The following RABGAP1 variants were observed in gnomAD, a reference collection of about 807,000 sequenced individuals.
The protein encoded by RABGAP1 is RAB GTPase activating protein 1, also known as rab GTPase-activating protein 1.
Under a neutral mutation model 137.6 loss-of-function variants are expected in RABGAP1, and 23 were observed. That is an observed-to-expected ratio of 0.17 (90% CI 0.12 to 0.24). RABGAP1 has a LOEUF of 0.24. RABGAP1 is among the 10% of genes least tolerant of loss of function. The probability of loss-of-function intolerance (pLI) is 1.00; values close to 1 mark genes in which losing one functional copy is unlikely to be tolerated. For missense variants in RABGAP1, 906 were observed against 1,275.8 expected (o/e 0.71, Z 4.42); for synonymous variants, 451 against 450.7 (o/e 1.00, Z -0.01).
chr9:123,016,275 G>A (rs1300351465), intron 12 of RABGAP1, among the ~76,000 whole-genome samples: 1 of 152,132 alleles, frequency 6.6e-6, no homozygotes, highest in East Asian at 1.9e-4. Context: ...GGGAGGTCAA[G>A]GCAGGAGGAT....
chr9:122,956,991 T>G lies in RABGAP1; in HGVS notation c.-49-20T>G. The G allele has an allele frequency of 8.0e-7, 1 of 1,257,642 alleles. No homozygotes were observed. Among genetic ancestry groups the G allele is most frequent in the Non-Finnish European group, 1.1e-6 (1 of 946,334 alleles). The allele number at this position is 1,257,642 out of a possible 1,614,324, so 77.9% of individuals were successfully genotyped here. On this transcript the variant is annotated intron_variant, in intron 1 of 25. Transcript: ENST00000373647. The stretch of plus-strand genomic sequence containing the variant: ...TGGCAGACATTCTATATGAGTATCT[T>G]TATGGTTTTTGTTTTTCAGGCATTA...
At chr9:122,939,792 G>C (rs905550642), upstream of RABGAP1, 7 of 152,208 alleles carry the variant, frequency 4.6e-5, no homozygotes, top group African/African-American at 1.7e-4. Context: ...TTTTTCTGCA[G>C]GGGTACACCC....
At chr9:123,026,393 C>G (rs1338432029) in intron 13 of RABGAP1, among the ~76,000 whole-genome samples, 1 of 152,084 alleles carries the variant, frequency 6.6e-6, no homozygotes, top group African/African-American at 2.4e-5. Context: ...AGGAATGTTA[C>G]TGAATTTTAT....
At chr9:122,985,848 T>A (rs1361700122) in intron 3 of RABGAP1, among the ~76,000 whole-genome samples, 1 of 152,148 alleles carries the variant, frequency 6.6e-6, no homozygotes, top group Non-Finnish European at 1.5e-5. Flanking sequence ...GTTTTTGGAT[T>A]TTGGAATATG....
chr9:123,077,619 G>C (rs2034557446), intron 19 of RABGAP1, among the ~76,000 whole-genome samples: 1 of 39,706 alleles, frequency 2.5e-5, no homozygotes, highest in Admixed American at 2.6e-4. Flanking sequence ...ACATTGTATT[G>C]TATTGTATTG....
intron 19 of RABGAP1, among the ~76,000 whole-genome samples, chr9:123,083,095 T>C (rs754392931): frequency 7.2e-5 from 11 of 152,208 alleles, no homozygotes; most frequent in African/African-American, 2.7e-4. Flanking sequence ...ACATAGAGAA[T>C]TGATGTAAAC....
chr9:123,036,056 G>C (rs1208329538), intron 13 of RABGAP1, among the ~76,000 whole-genome samples: 1 of 152,042 alleles, frequency 6.6e-6, no homozygotes, highest in South Asian at 2.1e-4. Context: ...TTCTTCTAAC[G>C]GAATAGTAAA....
At chr9:123,029,755 G>C (rs1420459934) in intron 13 of RABGAP1, 1 of 609,988 alleles carries the variant, frequency 1.6e-6, no homozygotes. Flanking sequence ...GGGTGGCATC[G>C]TGAAGCTCGG....
At chr9:123,023,549 G>C in intron 13 of RABGAP1, among the ~76,000 whole-genome samples, 1 of 151,906 alleles carries the variant, frequency 6.6e-6, no homozygotes, top group Non-Finnish European at 1.5e-5. Context: ...CACTTCTTTC[G>C]TTCATCTATT....
intron 13 of RABGAP1, among the ~76,000 whole-genome samples, chr9:123,058,811 G>A (rs1225761467): frequency 6.6e-6 from 1 of 152,148 alleles, no homozygotes; most frequent in Non-Finnish European, 1.5e-5. Flanking sequence ...GGAAAACAAG[G>A]TTTAATTTGT....
chr9:123,038,195 G>T (rs1375554412), intron 13 of RABGAP1, among the ~76,000 whole-genome samples: 1 of 152,106 alleles, frequency 6.6e-6, no homozygotes, highest in Non-Finnish European at 1.5e-5. Context: ...CCTGACACTA[G>T]ATTGGATATT....
At chr9:122,992,671 C>T (rs1836793651) in intron 6 of RABGAP1, among the ~76,000 whole-genome samples, 1 of 146,750 alleles carries the variant, frequency 6.8e-6, no homozygotes, top group Non-Finnish European at 1.5e-5. Context: ...ATCAATATAC[C>T]TAAATATATT....
chr9:123,077,178 CT>C (rs910805720), intron 19 of RABGAP1, among the ~76,000 whole-genome samples: 2 of 120,896 alleles, frequency 1.7e-5, no homozygotes, highest in Admixed American at 7.9e-5. Flanking sequence ...TTTTTTTTTT[CT>C]TTTTTTTGAG....
In RABGAP1 at chr9:123,098,815, T is replaced by C. The variant is rs1345857219; in HGVS notation, c.2817+17T>C. ...TATAAGCAGGTAGGTTCCAGTACCC[T>C]GGGATTGGGCTGTGTAATCTGGGAG... On this transcript the variant is annotated intron_variant, in intron 23 of 25. Coordinates refer to ENST00000373647, the MANE Select transcript of RABGAP1 (RefSeq NM_012197.4). 6.3e-7 allele frequency: 1 copy of C among 1,599,024 alleles called. No individual in the cohort carries two copies. The highest frequency in any genetic ancestry group is 8.6e-7 in the Non-Finnish European group (1 of 1,167,818).
intron 17 of RABGAP1, among the ~76,000 whole-genome samples, chr9:123,076,002 A>G (rs1024022247): frequency 6.6e-6 from 1 of 152,236 alleles, no homozygotes; most frequent in Non-Finnish European, 1.5e-5. Context: ...TTGGAAAAGC[A>G]TTTCTTATTA....
At chr9:123,062,495 G>A (rs1331777275) in intron 13 of RABGAP1, 7 of 152,146 alleles carry the variant, frequency 4.6e-5, no homozygotes, top group African/African-American at 7.2e-5. Flanking sequence ...CAAGTCAAAT[G>A]AATTTATTCC....
chr9:123,057,813 G>C (rs1303265521), intron 13 of RABGAP1, among the ~76,000 whole-genome samples: 1 of 152,226 alleles, frequency 6.6e-6, no homozygotes, highest in Admixed American at 6.5e-5. Flanking sequence ...CACCTCGGGA[G>C]GCTGAGGGTG....
At chr9:123,085,919 C>A (rs2034850752) in intron 19 of RABGAP1, among the ~76,000 whole-genome samples, 1 of 152,048 alleles carries the variant, frequency 6.6e-6, no homozygotes, top group Admixed American at 6.5e-5. Context: ...AAAAAGGAAG[C>A]CTTTGGCTTT....
rs1188480184 is a variant in RABGAP1 at position 122,990,796 on chromosome 9, AATATATATATATATAT to A, written c.923+608_923+623del. 6.2e-3 allele frequency: 173 copies of A among 27,712 alleles called. 1 individual carries two copies. Among genetic ancestry groups the A allele is most frequent in the East Asian group, 9.5e-3 (10 of 1,050 alleles). The allele number at this position is 27,712 out of a possible 1,614,324, so 1.7% of individuals were successfully genotyped here. A position where few individuals can be genotyped will look rare whatever the true frequency, so the allele number is the denominator to read the frequency against. On this transcript the variant is annotated intron_variant, in intron 6 of 25. Transcript: ENST00000373647. ...AAAAAAAAAAAAAAAAAAAAAAAAA[AATATATATATATATAT>A]ATATATATATATATATATATATATG...
Sources: allele counts gnomAD v4.1 joint callset (sites outside exome capture counted in the v4.1 genomes callset), GRCh38; gene constraint gnomAD v4.1.1; transcripts MANE v1.5; gene names NCBI Gene and HGNC (gene_info 2026-07-23, HGNC 2026-07-21).